PRMT8: variants seen among roughly 807,000 people sequenced by gnomAD.
PRMT8 encodes the protein protein arginine N-methyltransferase 8.
PRMT8 carries 7 observed loss-of-function variants against 47.1 expected under a neutral mutation model. The observed-to-expected ratio is 0.15, with a 90% CI of 0.08 to 0.28. The LOEUF (loss-of-function observed/expected upper bound fraction) is 0.28, where lower values mean the gene tolerates loss of function less well. Among genes scored for constraint, PRMT8 ranks in the 10% least tolerant of loss-of-function variants. The probability of loss-of-function intolerance (pLI) is 1.00; values close to 1 mark genes in which losing one functional copy is unlikely to be tolerated. For missense variants in PRMT8, 237 were observed against 505.4 expected, an observed-to-expected ratio of 0.47 and a Z score of 5.09; for synonymous variants, 188 against 186.5, an observed-to-expected ratio of 1.01 and a Z score of -0.07.
chr12:3,584,873 C>CT (rs1334995954), intron 8 of PRMT8, among the ~76,000 whole-genome samples: 2 of 152,140 alleles, frequency 1.3e-5, no homozygotes, highest in Non-Finnish European at 2.9e-5. Flanking sequence ...AAAACTACAC[C>CT]TTTTTAAAAA....
Position 3,570,183 on chromosome 12 carries a change from G to A in PRMT8, c.712+619G>A, listed in dbSNP as rs1177988583. ...GTATTCTTAATGCCTTATCAGCTAG[G>A]CGTGTGTGGTTCTCTGAGAACAATA... On this transcript the variant is annotated intron_variant, in intron 6 of 9. Coordinates refer to ENST00000382622, the MANE Select transcript of PRMT8 (RefSeq NM_019854.5). This position sits in a 1 kb window ranked among gnomAD's most constrained non-coding sequence, Gnocchi z 5.5. 6.6e-6 allele frequency among the ~76,000 whole-genome samples: 1 copy of A among 152,098 alleles called. No homozygotes were observed. Among genetic ancestry groups the A allele is most frequent in the Non-Finnish European group, 1.5e-5 (1 of 68,022 alleles).
chr12:3,381,544 T>C, intron 1 of PRMT8: 1 of 1,135,790 alleles, frequency 8.8e-7, no homozygotes, highest in Non-Finnish European at 1.3e-6. Flanking sequence ...TTTTCCTCTT[T>C]GTCATCTGCA....
At chr12:3,515,434 G>A (rs1047211394) in intron 1 of PRMT8, among the ~76,000 whole-genome samples, 7 of 152,174 alleles carry the variant, frequency 4.6e-5, no homozygotes, top group Non-Finnish European at 8.8e-5. Context: ...GTTAATGGGT[G>A]CAGCACACCA....
chr12:3,574,757 A>T (rs1013401415), intron 6 of PRMT8, among the ~76,000 whole-genome samples: 21 of 152,244 alleles, frequency 1.4e-4, no homozygotes, highest in African/African-American at 5.1e-4. Flanking sequence ...TACACAGCAA[A>T]TACGTGGCAG....
intron 2 of PRMT8, among the ~76,000 whole-genome samples, chr12:3,541,771 A>G (rs1383022656): frequency 6.6e-6 from 1 of 152,186 alleles, no homozygotes; most frequent in Non-Finnish European, 1.5e-5. Flanking sequence ...GTTTCGTTTT[A>G]GTGCTTACTA....
At chr12:3,420,138 A>G (rs974806521) in intron 1 of PRMT8, among the ~76,000 whole-genome samples, 3 of 152,120 alleles carry the variant, frequency 2.0e-5, no homozygotes, top group Admixed American at 1.3e-4. Context: ...TTCTCAACTC[A>G]AGAGCATTGG....
intron 1 of PRMT8, among the ~76,000 whole-genome samples, chr12:3,451,948 A>T (rs1864923306): frequency 6.6e-6 from 1 of 152,192 alleles, no homozygotes; most frequent in African/African-American, 2.4e-5. Context: ...CGGCTTCTCC[A>T]CATAAATAAG....
chr12:3,593,037 G>T lies in PRMT8; in HGVS notation c.1102-62G>T. 7.6e-7 allele frequency: 1 copy of T among 1,324,340 alleles called. No homozygotes were observed. The highest frequency in any genetic ancestry group is 1.1e-6 in the Non-Finnish European group (1 of 920,520). The allele number at this position is 1,324,340 out of a possible 1,614,324, so 82.0% of individuals were successfully genotyped here. A position where few individuals can be genotyped will look rare whatever the true frequency, so the allele number is the denominator to read the frequency against. ...TTCCAGGAGCAGGTGGTGCCAGAGA[G>T]TGGGGCTGTGGCTTCATACCCAGAC... On this transcript the variant is annotated intron_variant, in intron 9 of 9. Transcript: ENST00000382622. This position sits in a 1 kb window ranked among gnomAD's most constrained non-coding sequence, Gnocchi z 4.8.
intron 2 of PRMT8, among the ~76,000 whole-genome samples, chr12:3,549,316 A>G (rs1379926502): frequency 6.6e-6 from 1 of 152,130 alleles, no homozygotes; most frequent in Non-Finnish European, 1.5e-5. Context: ...TCACCCCAAT[A>G]CTTTTGATGA....
intron 2 of PRMT8, among the ~76,000 whole-genome samples, chr12:3,542,225 C>T (rs187463355): frequency 2.0e-5 from 3 of 152,320 alleles, no homozygotes; most frequent in East Asian, 3.9e-4. Flanking sequence ...GAGAACTGTT[C>T]ACCATGTAAA....
chr12:3,470,931 G>C (rs1206576125), intron 1 of PRMT8, among the ~76,000 whole-genome samples: 2 of 152,208 alleles, frequency 1.3e-5, no homozygotes, highest in Non-Finnish European at 2.9e-5. Flanking sequence ...CAAAAGACAG[G>C]CTTAATGGGA....
At position 3,580,338 on chromosome 12, in the gene PRMT8, G is replaced by A. The variant is rs568588226; in HGVS notation, c.829-2720G>A. 1.3e-4 allele frequency among the ~76,000 whole-genome samples: 4 copies of A among 30,686 alleles called. No homozygotes were observed. Among genetic ancestry groups the A allele is most frequent in the South Asian group, 5.3e-4 (1 of 1,872 alleles). The allele number at this position is 30,686 out of a possible 152,430, so 20.1% of individuals were successfully genotyped here. A position where few individuals can be genotyped will look rare whatever the true frequency, so the allele number is the denominator to read the frequency against. On this transcript the variant is annotated intron_variant, in intron 7 of 9. Coordinates refer to ENST00000382622, the MANE Select transcript of PRMT8 (RefSeq NM_019854.5). This position sits in a 1 kb window ranked among gnomAD's most constrained non-coding sequence, Gnocchi z 4.6. Reference sequence around the variant, plus strand: ...CCTGCCAGATGGGGGGTGCGTGTGCGTGTGTGTGTGTGTGTGTGTGTGTGT... The same window carrying A: ...CCTGCCAGATGGGGGGTGCGTGTGCATGTGTGTGTGTGTGTGTGTGTGTGT...
intron 6 of PRMT8, among the ~76,000 whole-genome samples, chr12:3,571,741 T>C (rs1311235079): frequency 6.6e-6 from 1 of 152,224 alleles, no homozygotes; most frequent in Non-Finnish European, 1.5e-5. Flanking sequence ...ACTTAAAATG[T>C]ATTTAAAATA....
chr12:3,430,859 T>G (rs1864667969), intron 1 of PRMT8, among the ~76,000 whole-genome samples: 1 of 151,958 alleles, frequency 6.6e-6, no homozygotes, highest in African/African-American at 2.4e-5. Flanking sequence ...AGACAGGGAG[T>G]TTATAGCCTA....
At chr12:3,558,032 T>C (rs1866558086) in intron 4 of PRMT8, among the ~76,000 whole-genome samples, 1 of 152,114 alleles carries the variant, frequency 6.6e-6, no homozygotes, top group Admixed American at 6.5e-5. Context: ...TCTGGGGCTC[T>C]GGAAACACAG....
At chr12:3,420,806 A>G (rs1244307578) in intron 1 of PRMT8, among the ~76,000 whole-genome samples, 1 of 152,216 alleles carries the variant, frequency 6.6e-6, no homozygotes, top group Non-Finnish European at 1.5e-5. Flanking sequence ...GTTTCTGTGG[A>G]TAGATGAAAT....
At chr12:3,506,848 G>A (rs889240485) in intron 1 of PRMT8, among the ~76,000 whole-genome samples, 3 of 152,088 alleles carry the variant, frequency 2.0e-5, no homozygotes, top group African/African-American at 4.8e-5. Context: ...TGCTCCTACC[G>A]AGAGAAACTG....
Position 3,540,621 on chromosome 12 carries a change from T to TGCCCC in PRMT8, c.91_92insGCCCC (p.Ser31CysfsTer37). Reference sequence around the variant, plus strand: ...TTCCCCTCAGGTGAACAGCCCCCCCTCCCAGCCCCCCCAGCCCGTCGTCCC... The same window carrying TGCCCC: ...TTCCCCTCAGGTGAACAGCCCCCCCTGCCCCCCCAGCCCCCCCAGCCCGTCGTCCC... On this transcript the variant is annotated frameshift_variant, in exon 2 of 10. Transcript: ENST00000382622. LOFTEE classifies it high-confidence loss of function. The TGCCCC allele has an allele frequency of 4.9e-6, 2 of 405,648 alleles. No individual in the cohort carries two copies. The highest frequency in any genetic ancestry group is 4.1e-6 in the Non-Finnish European group (1 of 242,466). 25.1% of individuals were successfully genotyped at this position (405,648 alleles called of 1,614,324 possible). A position where few individuals can be genotyped will look rare whatever the true frequency, so the allele number is the denominator to read the frequency against.
intron 1 of PRMT8, among the ~76,000 whole-genome samples, chr12:3,474,453 C>T (rs1865189777): frequency 6.6e-6 from 1 of 152,168 alleles, no homozygotes; most frequent in East Asian, 1.9e-4. Flanking sequence ...TTTCTGCTCC[C>T]AGCCCATCCC....
Sources: allele counts gnomAD v4.1 joint callset (sites outside exome capture counted in the v4.1 genomes callset), GRCh38; gene constraint gnomAD v4.1.1; non-coding constraint Gnocchi (gnomAD v3.1); transcripts MANE v1.5; gene names NCBI Gene and HGNC (gene_info 2026-07-23, HGNC 2026-07-21).